The following KCNMA1 variants were observed in gnomAD, a reference collection of about 807,000 sequenced individuals.
KCNMA1 encodes the protein Calcium-activated potassium channel subunit alpha-1.
A neutral mutation model predicts 140.0 loss-of-function variants in KCNMA1; 29 were observed. The ratio of observed to expected loss-of-function variants is 0.21; its 90% CI spans 0.15 to 0.28. The LOEUF (loss-of-function observed/expected upper bound fraction) is 0.28. Ranked by LOEUF, KCNMA1 falls within the 10% of genes least tolerant of loss-of-function variation. The probability of loss-of-function intolerance (pLI) is 1.00; values close to 1 mark genes in which losing one functional copy is unlikely to be tolerated. For synonymous variants in KCNMA1, 612 were observed against 611.9 expected (o/e 1.00, Z 0.00); for missense variants, 880 against 1,602.2 (o/e 0.55, Z 7.70).
chr10:77,382,994 G>GTGTATATA (rs1491457588), intron 2 of KCNMA1, among the ~76,000 whole-genome samples: 4 of 46,432 alleles, frequency 8.6e-5, no homozygotes, highest in South Asian at 7.6e-4. Context: ...GTGTGTGTGT[G>GTGTATATA]TATATATATA....
chr10:77,324,593 G>A (rs1325816788), intron 2 of KCNMA1, among the ~76,000 whole-genome samples: 1 of 151,944 alleles, frequency 6.6e-6, no homozygotes, highest in South Asian at 2.1e-4. Flanking sequence ...CTTCTGTATA[G>A]AGACAGGGTA....
At chr10:77,256,964 C>T (rs768629373) in intron 2 of KCNMA1, among the ~76,000 whole-genome samples, 2 of 152,062 alleles carry the variant, frequency 1.3e-5, no homozygotes, top group Non-Finnish European at 2.9e-5. Flanking sequence ...AAAAAATTAT[C>T]CAGGCATGAT....
intron 1 of KCNMA1, among the ~76,000 whole-genome samples, chr10:77,457,647 A>T (rs1336063569): frequency 2.0e-5 from 3 of 150,804 alleles, no homozygotes; most frequent in African/African-American, 7.3e-5. Context: ...CCCCATATAA[A>T]CTCCTTCTAC....
At chr10:77,002,755 T>C (rs2086912016) in intron 18 of KCNMA1, among the ~76,000 whole-genome samples, 1 of 152,204 alleles carries the variant, frequency 6.6e-6, no homozygotes, top group Non-Finnish European at 1.5e-5. Context: ...TACCTCATTT[T>C]GATGCTACAA....
rs547647567 is a variant in KCNMA1, at chr10:76,961,369, G to T, written c.2361-7445C>A. On this transcript the variant is annotated intron_variant, in intron 20 of 27. Transcript: ENST00000286628. ...TTGCTGCAAACTCATGATCAAACTT[G>T]AACATATGAGGAGTTGCTTCTTACG... 1.2e-4 allele frequency among the ~76,000 whole-genome samples: 18 copies of T among 152,234 alleles called. No homozygotes were observed. In the South Asian group the frequency reaches 3.7e-3, roughly 32 times the overall value.
chr10:77,247,063 G>A (rs1445733491), intron 3 of KCNMA1, among the ~76,000 whole-genome samples: 3 of 152,322 alleles, frequency 2.0e-5, no homozygotes, highest in Non-Finnish European at 4.4e-5. Context: ...TTCCCTTTCA[G>A]AGACAAGAGC....
At position 77,171,400 on chromosome 10, in the gene KCNMA1, CGTGTGTGTGTGT is replaced by C. The variant is rs60927086; in HGVS notation, c.808+12009_808+12020del. On this transcript the variant is annotated intron_variant, in intron 5 of 27. Coordinates refer to ENST00000286628, the MANE Select transcript of KCNMA1 (RefSeq NM_001161352.2). ...AAGTACGTGTGCGTGTGTGTGTGTGCGTGTGTGTGTGTGTGTGTGTGTGTGTGTGTGTGTGTG... is the reference window on the plus strand; with the variant it reads ...AAGTACGTGTGCGTGTGTGTGTGTGCGTGTGTGTGTGTGTGTGTGTGTGTG... Among the ~76,000 whole-genome samples the C allele has an allele frequency of 7.4e-3, 959 of 129,010 alleles. 6 individuals are homozygous for C. Among genetic ancestry groups the C allele is most frequent in the South Asian group, 0.021 (91 of 4,318 alleles). 84.6% of individuals were successfully genotyped at this position (129,010 alleles called of 152,430 possible). A position where few individuals can be genotyped will look rare whatever the true frequency, so the allele number is the denominator to read the frequency against.
intron 24 of KCNMA1, chr10:76,914,242 C>A (rs1222476834): frequency 1.2e-6 from 1 of 811,042 alleles, no homozygotes. Flanking sequence ...AGTAAAGGGA[C>A]CCCGGACCAC....
At chr10:76,889,718 G>A in intron 26 of KCNMA1, 149 bp from the exon 27 acceptor site, 2 of 734,768 alleles carry the variant, frequency 2.7e-6, no homozygotes, top group Middle Eastern at 2.3e-4. Flanking sequence ...AGTGGAAGAA[G>A]TCAACATGTT....
At chr10:77,384,898 T>C (rs1490111569) in intron 2 of KCNMA1, among the ~76,000 whole-genome samples, 1 of 152,220 alleles carries the variant, frequency 6.6e-6, no homozygotes, top group Non-Finnish European at 1.5e-5. Context: ...AGCACCATGG[T>C]AACATGAAAA....
At chr10:77,418,736 CT>C (rs1311538462) in intron 1 of KCNMA1, among the ~76,000 whole-genome samples, 1 of 152,220 alleles carries the variant, frequency 6.6e-6, no homozygotes, top group Non-Finnish European at 1.5e-5. Flanking sequence ...CATGTCCCCT[CT>C]TTCCCCCAAC....
At chr10:76,881,971 C>T (rs915180868), downstream of KCNMA1, among the ~76,000 whole-genome samples, 19 of 152,120 alleles carry the variant, frequency 1.2e-4, no homozygotes, top group Admixed American at 5.2e-4. Flanking sequence ...ATCTGAGAGC[C>T]ATCTGTTTCT....
downstream of KCNMA1, chr10:76,874,365 AC>A (rs1830202375): frequency 6.6e-6 from 1 of 152,100 alleles, no homozygotes; most frequent in Non-Finnish European, 1.5e-5. Context: ...AGAAGCAGCC[AC>A]TCCCATGTTC....
In KCNMA1 at chr10:76,885,838, AAAAG is replaced by A. The variant is rs1374142670; in HGVS notation, c.*1424_*1427del. On this transcript the variant is annotated 3_prime_UTR_variant, in exon 28 of 28. Transcript: ENST00000286628. ...TCCTCTCATGCTTACTAAGTGTTAAAAAAGAAAGAAAACAAAAGAAGAAAAAAAT... is the reference window on the plus strand; with the variant it reads ...TCCTCTCATGCTTACTAAGTGTTAAAAAAGAAAACAAAAGAAGAAAAAAAT... 1.0e-6 allele frequency: 1 copy of A among 985,136 alleles called. No homozygotes were observed. Among genetic ancestry groups the A allele is most frequent in the Non-Finnish European group, 1.2e-6 (1 of 829,756 alleles). The allele number at this position is 985,136 out of a possible 1,614,324, so 61.0% of individuals were successfully genotyped here.
At chr10:76,980,432 C>T (rs570807388) in intron 19 of KCNMA1, 12 of 152,164 alleles carry the variant, frequency 7.9e-5, no homozygotes, top group Non-Finnish European at 1.5e-4. Flanking sequence ...CACCAAATTT[C>T]GGAGATGCTT....
At chr10:76,929,230 T>G (rs1186777501) in intron 23 of KCNMA1, among the ~76,000 whole-genome samples, 1 of 152,180 alleles carries the variant, frequency 6.6e-6, no homozygotes, top group African/African-American at 2.4e-5. Context: ...TAAAAGTAGT[T>G]TTATAGATTA....
At chr10:76,972,931 G>C (rs1303620613) in intron 19 of KCNMA1, 1 of 152,162 alleles carries the variant, frequency 6.6e-6, no homozygotes, top group Non-Finnish European at 1.5e-5. Flanking sequence ...CATAAAGAAA[G>C]CAGATCTAGG....
chr10:77,284,119 G>T (rs2069762197), intron 2 of KCNMA1, among the ~76,000 whole-genome samples: 1 of 152,196 alleles, frequency 6.6e-6, no homozygotes, highest in Non-Finnish European at 1.5e-5. Context: ...ACCAGGGCTG[G>T]ACACTGAGGG....
At chr10:76,906,889 C>T (rs879939233) in intron 25 of KCNMA1, among the ~76,000 whole-genome samples, 1 of 152,176 alleles carries the variant, frequency 6.6e-6, no homozygotes, top group Non-Finnish European at 1.5e-5. Context: ...TACTCAAGAC[C>T]TCATTATGAA....
Sources: allele counts gnomAD v4.1 joint callset (sites outside exome capture counted in the v4.1 genomes callset), GRCh38; gene constraint gnomAD v4.1.1; transcripts MANE v1.5; gene names NCBI Gene and HGNC (gene_info 2026-07-23, HGNC 2026-07-21).